Variants in FSTL5 observed in about 807,000 individuals in gnomAD.
The protein encoded by FSTL5 is follistatin like 5.
Under a neutral mutation model 89.1 loss-of-function variants are expected in FSTL5, and 62 were observed. The ratio of observed to expected loss-of-function variants is 0.70; its 90% confidence interval spans 0.57 to 0.86. The LOEUF (loss-of-function observed/expected upper bound fraction) is 0.86. Among genes scored for constraint, FSTL5 ranks in the 40% least tolerant of loss-of-function variants. FSTL5 has a pLI of 0.00. For synonymous variants in FSTL5, 383 were observed against 346.2 expected (o/e 1.11, Z -1.18); for missense variants, 1,057 against 1,001.6 (o/e 1.06, Z -0.75).
intron 1 of FSTL5, among the ~76,000 whole-genome samples, chr4:162,125,643 A>G (rs1479272973): frequency 6.6e-6 from 1 of 152,046 alleles, no homozygotes; most frequent in Admixed American, 6.5e-5. Flanking sequence ...TCTCTTCCAT[A>G]TTCACTTTAG....
At chr4:162,014,292 G>A (rs1382359682) in intron 3 of FSTL5, among the ~76,000 whole-genome samples, 2 of 152,182 alleles carry the variant, frequency 1.3e-5, no homozygotes, top group African/African-American at 4.8e-5. Flanking sequence ...AGCCTTGTCT[G>A]CAAGGAATGA....
At chr4:161,415,242 G>A (rs925347222) in intron 15 of FSTL5, among the ~76,000 whole-genome samples, 1 of 152,020 alleles carries the variant, frequency 6.6e-6, no homozygotes, top group Non-Finnish European at 1.5e-5. Flanking sequence ...AGCATTGTTT[G>A]TCTCTTCACT....
intron 4 of FSTL5, among the ~76,000 whole-genome samples, chr4:161,825,836 C>A (rs575689406): frequency 3.7e-4 from 57 of 152,014 alleles, no homozygotes; most frequent in African/African-American, 1.4e-3. Context: ...TTAAAAGAGC[C>A]AGCTTTTTGT....
intron 4 of FSTL5, among the ~76,000 whole-genome samples, chr4:161,917,611 T>G (rs1212842028): frequency 1.3e-5 from 2 of 152,140 alleles, no homozygotes; most frequent in African/African-American, 2.4e-5. Context: ...TCTACTTAAT[T>G]TTGCCACATA....
chr4:161,861,105 A>T (rs1037346270), intron 4 of FSTL5, among the ~76,000 whole-genome samples: 2 of 152,176 alleles, frequency 1.3e-5, no homozygotes, highest in African/African-American at 4.8e-5. Flanking sequence ...ACTAGAGTGT[A>T]TTATATCCTT....
intron 9 of FSTL5, among the ~76,000 whole-genome samples, chr4:161,541,475 C>T (rs1731816470): frequency 6.7e-6 from 1 of 149,656 alleles, no homozygotes; most frequent in South Asian, 2.1e-4. Context: ...GATTATAGAC[C>T]TCTTGAGGTA....
intron 6 of FSTL5, among the ~76,000 whole-genome samples, chr4:161,742,321 C>T (rs1024769829): frequency 1.3e-5 from 2 of 151,930 alleles, no homozygotes; most frequent in African/African-American, 4.8e-5. Context: ...ATGAATGCAG[C>T]GGGATCATGT....
At chr4:161,677,847 C>T (rs1297565756) in intron 6 of FSTL5, among the ~76,000 whole-genome samples, 1 of 151,616 alleles carries the variant, frequency 6.6e-6, no homozygotes, top group Non-Finnish European at 1.5e-5. Flanking sequence ...TGACTAACAC[C>T]TCCCCAGTCT....
chr4:161,688,228 G>A (rs890147825), intron 6 of FSTL5, among the ~76,000 whole-genome samples: 2 of 152,214 alleles, frequency 1.3e-5, no homozygotes. Flanking sequence ...GACTACAGGT[G>A]AGCGCCTCCA....
intron 7 of FSTL5, among the ~76,000 whole-genome samples, chr4:161,604,514 G>A (rs924856621): frequency 6.6e-6 from 1 of 152,086 alleles, no homozygotes; most frequent in Non-Finnish European, 1.5e-5. Flanking sequence ...ACCATCCCTT[G>A]GAATGACATA....
chr4:161,862,939 C>T (rs1731965793), intron 4 of FSTL5, among the ~76,000 whole-genome samples: 1 of 152,076 alleles, frequency 6.6e-6, no homozygotes, highest in African/African-American at 2.4e-5. Flanking sequence ...AAAATATTCT[C>T]CTCATCAAAT....
chr4:161,543,001 C>T (rs1447748001), intron 8 of FSTL5, among the ~76,000 whole-genome samples: 1 of 151,638 alleles, frequency 6.6e-6, no homozygotes, highest in African/African-American at 2.4e-5. Flanking sequence ...TTAAAAGAGA[C>T]TCCAATTTGC....
intron 2 of FSTL5, among the ~76,000 whole-genome samples, chr4:162,055,342 A>T (rs1034706897): frequency 6.6e-6 from 1 of 151,794 alleles, no homozygotes; most frequent in African/African-American, 2.4e-5. Flanking sequence ...TATATATTTA[A>T]TACAACTCTA....
At chr4:161,633,697 T>C (rs147004553) in intron 7 of FSTL5, among the ~76,000 whole-genome samples, 1 of 152,266 alleles carries the variant, frequency 6.6e-6, no homozygotes, top group East Asian at 1.9e-4. Context: ...TAAAATATCA[T>C]GCTAGAGTGT....
chr4:161,572,456 C>T (rs1316179994), intron 8 of FSTL5, among the ~76,000 whole-genome samples: 1 of 151,882 alleles, frequency 6.6e-6, no homozygotes, highest in Non-Finnish European at 1.5e-5. Context: ...GCTTGCACAC[C>T]TTCCTTCACA....
chr4:161,653,715 G>T (rs141341433), intron 7 of FSTL5, among the ~76,000 whole-genome samples: 2 of 152,020 alleles, frequency 1.3e-5, no homozygotes, highest in Admixed American at 1.3e-4. Flanking sequence ...CTGATATTTT[G>T]CATTTGTCAC....
At chr4:161,645,708 A>G (rs1578992170) in intron 7 of FSTL5, among the ~76,000 whole-genome samples, 1 of 152,178 alleles carries the variant, frequency 6.6e-6, no homozygotes, top group Middle Eastern at 3.4e-3. Flanking sequence ...CATGTTTTAT[A>G]TTTGTGACAG....
At chr4:161,785,681 C>T (rs1048278227) in intron 4 of FSTL5, among the ~76,000 whole-genome samples, 1 of 152,116 alleles carries the variant, frequency 6.6e-6, no homozygotes, top group African/African-American at 2.4e-5. Context: ...CAGAAATCTA[C>T]ATTTATAGGA....
chr4:162,125,781 A>C (rs1287430945), intron 1 of FSTL5, among the ~76,000 whole-genome samples: 1 of 152,088 alleles, frequency 6.6e-6, no homozygotes, highest in South Asian at 2.1e-4. Context: ...TTTTTACTAT[A>C]ACAAAAATTT....
Sources: gnomAD v4.1 joint callset for allele counts (sites outside exome capture counted in the v4.1 genomes callset) on GRCh38, gnomAD v4.1.1 for gene constraint, MANE v1.5 for transcripts, NCBI Gene and HGNC (gene_info 2026-07-23, HGNC 2026-07-21) for gene names.